ITGB5: variants seen among roughly 807,000 people sequenced by gnomAD.
ITGB5 encodes integrin beta-5.
ITGB5 carries 38 observed loss-of-function variants against 84.8 expected under a neutral mutation model. The observed-to-expected ratio is 0.45, with a 90% CI of 0.35 to 0.59. The LOEUF (loss-of-function observed/expected upper bound fraction) is 0.59, where lower values mean the gene tolerates loss of function less well. Among genes scored for constraint, ITGB5 ranks in the 20% least tolerant of loss-of-function variants. ITGB5 has a pLI of 0.01. For missense variants in ITGB5, 905 were observed against 1,034.5 expected (o/e 0.87, Z 1.72); for synonymous variants, 393 against 414.4 (o/e 0.95, Z 0.63).
At chr3:124,822,850 G>C (rs1362424293) in intron 5 of ITGB5, among the ~76,000 whole-genome samples, 2 of 152,320 alleles carry the variant, frequency 1.3e-5, no homozygotes, top group East Asian at 1.9e-4. Flanking sequence ...CACCATGACA[G>C]GAGTGTTAAT....
Position 124,887,109 on chromosome 3 carries a change from G to A in ITGB5, c.-109C>T. ...CGAGGGCCGGGGGCCGCAGCCGCAT[G>A]CCCCGCGCGCAGCTCCGGCTCACGG... On this transcript the variant is annotated 5_prime_UTR_variant, in exon 1 of 15. Transcript: ENST00000296181. The A allele has an allele frequency of 4.1e-6, 1 of 241,112 alleles. No individual in the cohort carries two copies. Among genetic ancestry groups the A allele is most frequent in the South Asian group, 1.5e-4 (1 of 6,826 alleles). The allele number at this position is 241,112 out of a possible 1,614,324, so 14.9% of individuals were successfully genotyped here. A position where few individuals can be genotyped will look rare whatever the true frequency, so the allele number is the denominator to read the frequency against.
At chr3:124,831,463 GAC>G (rs1347799331) in intron 5 of ITGB5, among the ~76,000 whole-genome samples, 1 of 152,182 alleles carries the variant, frequency 6.6e-6, no homozygotes, top group African/African-American at 2.4e-5. Context: ...TGACAAGTGA[GAC>G]AGGCAGATTC....
At chr3:124,849,081 G>A (rs1476413847) in intron 3 of ITGB5, among the ~76,000 whole-genome samples, 1 of 152,082 alleles carries the variant, frequency 6.6e-6, no homozygotes, top group Non-Finnish European at 1.5e-5. Context: ...CGCCTGGCCT[G>A]GGCTTAGCAT....
chr3:124,882,367 G>A (rs115739718), intron 1 of ITGB5, among the ~76,000 whole-genome samples: 1,967 of 152,336 alleles, frequency 0.013, 58 homozygotes, highest in African/African-American at 0.043. Context: ...GATATAGGGA[G>A]GAGGTTGCAG....
At chr3:124,801,970 T>A (rs964200822) in intron 9 of ITGB5, among the ~76,000 whole-genome samples, 2 of 152,220 alleles carry the variant, frequency 1.3e-5, no homozygotes, top group African/African-American at 4.8e-5. Context: ...GGCCCACTGA[T>A]GGGACCAGCC....
Position 124,763,572 on chromosome 3 carries a change from A to T in ITGB5, c.*51T>A. The T allele has an allele frequency of 8.8e-7, 1 of 1,138,488 alleles. No homozygotes were observed. Among genetic ancestry groups the T allele is most frequent in the Non-Finnish European group, 1.3e-6 (1 of 749,088 alleles). The allele number at this position is 1,138,488 out of a possible 1,614,324, so 70.5% of individuals were successfully genotyped here. ...GCCGAGCAGCCGTGCAAGGCGTTTC[A>T]GTCTGACCTTTTCATCAGATCCCCG... On this transcript the variant is annotated 3_prime_UTR_variant, in exon 15 of 15. Transcript: ENST00000296181.
chr3:124,819,968 T>A (rs2064675588), intron 6 of ITGB5, 134 bp from the exon 7 acceptor site: 2 of 723,716 alleles, frequency 2.8e-6, no homozygotes, highest in South Asian at 3.1e-5. Flanking sequence ...TTAGAGTCCC[T>A]TAATAACTAA....
chr3:124,859,564 T>C, intron 2 of ITGB5, 118 bp from the exon 3 acceptor site: 1 of 730,502 alleles, frequency 1.4e-6, no homozygotes, highest in South Asian at 1.9e-5. Context: ...TCCATTTTCA[T>C]TGTCTGAAAA....
At chr3:124,847,419 C>T (rs73860426) in intron 4 of ITGB5, among the ~76,000 whole-genome samples, 5,950 of 152,294 alleles carry the variant, frequency 0.039, 381 homozygotes, top group African/African-American at 0.13. Context: ...TGCATACAAA[C>T]GTCCCATGGC....
At chr3:124,796,286 T>A in intron 10 of ITGB5, 102 bp downstream of exon 10, 1 of 1,075,730 alleles carries the variant, frequency 9.3e-7, no homozygotes, top group Non-Finnish European at 1.4e-6. Flanking sequence ...GCCATGGTAG[T>A]GACACTTTCT....
intron 3 of ITGB5, among the ~76,000 whole-genome samples, chr3:124,857,876 G>A (rs1424366200): frequency 6.6e-6 from 1 of 152,130 alleles, no homozygotes; most frequent in Non-Finnish European, 1.5e-5. Context: ...GTTCACGCCT[G>A]TAACCCCAGC....
Position 124,873,435 on chromosome 3 carries a change from C to T in ITGB5, c.156+11G>A, listed in dbSNP as rs775710240. 1.9e-6 allele frequency: 3 copies of T among 1,597,076 alleles called. No homozygotes were observed. The highest frequency in any genetic ancestry group is 2.2e-5 in the South Asian group (2 of 90,740). On this transcript the variant is annotated intron_variant, in intron 2 of 14. Transcript: ENST00000296181. ...TCCTTCCCTTCTTCCTCCCCTCCCC[C>T]ACCTACATACCTCTTTGGAGCACCA...
intron 3 of ITGB5, among the ~76,000 whole-genome samples, chr3:124,856,750 A>AG (rs1179412994): frequency 6.6e-6 from 1 of 152,244 alleles, no homozygotes; most frequent in African/African-American, 2.4e-5. Flanking sequence ...CAACATATTA[A>AG]GGGTCTATAA....
chr3:124,764,219 A>T (rs2063734311), intron 14 of ITGB5, among the ~76,000 whole-genome samples, 172 bp downstream of exon 14: 1 of 152,148 alleles, frequency 6.6e-6, no homozygotes, highest in African/African-American at 2.4e-5. Context: ...CTCACTCTGC[A>T]CTGGGGCTGT....
At chr3:124,794,557 G>A (rs1559936174) in intron 10 of ITGB5, among the ~76,000 whole-genome samples, 1 of 152,044 alleles carries the variant, frequency 6.6e-6, no homozygotes, top group Non-Finnish European at 1.5e-5. Context: ...GAGGTGGGTG[G>A]ATCACCTGAG....
At chr3:124,787,605 T>C (rs2064099781) in intron 10 of ITGB5, 2 of 152,278 alleles carry the variant, frequency 1.3e-5, no homozygotes. Context: ...AATGAACTTT[T>C]GTTGAATGAG....
Position 124,887,218 on chromosome 3 carries a change from GGCCGGCCGGGACTCCTAGTGTGTC to G in ITGB5, c.-242_-219del, listed in dbSNP as rs1934865294. The G allele has an allele frequency of 6.6e-6, 1 of 151,732 alleles. No homozygotes were observed. The highest frequency in any genetic ancestry group is 1.5e-5 in the Non-Finnish European group (1 of 68,020). 9.4% of individuals were successfully genotyped at this position (151,732 alleles called of 1,614,324 possible). A position where few individuals can be genotyped will look rare whatever the true frequency, so the allele number is the denominator to read the frequency against. ...TCCCGGGACCGCGGCTGCCCTGGCT[GGCCGGCCGGGACTCCTAGTGTGTC>G]GCCGCTCGGGACGGCCCCAGCGGGC... is the stretch of plus-strand genomic sequence containing the variant. On this transcript the variant is annotated 5_prime_UTR_variant, in exon 1 of 15. Transcript: ENST00000296181.
chr3:124,802,993 T>TGCTGTTCCCACAGG (rs1267909991), intron 9 of ITGB5, among the ~76,000 whole-genome samples: 1 of 152,184 alleles, frequency 6.6e-6, no homozygotes, highest in Non-Finnish European at 1.5e-5. Flanking sequence ...CCCACAGGGC[T>TGCTGTTCCCACAGG]GCGGCCCATC....
chr3:124,770,389 G>A (rs1162465544), intron 11 of ITGB5, among the ~76,000 whole-genome samples: 5 of 152,272 alleles, frequency 3.3e-5, no homozygotes, highest in African/African-American at 2.4e-5. Flanking sequence ...GACAGCCGCT[G>A]TGCCCCCACA....
Sources: allele counts gnomAD v4.1 joint callset (sites outside exome capture counted in the v4.1 genomes callset), GRCh38; gene constraint gnomAD v4.1.1; transcripts MANE v1.5; gene names NCBI Gene and HGNC (gene_info 2026-07-23, HGNC 2026-07-21).